TULP3: variants seen among roughly 807,000 people sequenced by gnomAD.
TULP3 encodes tubby-related protein 3.
In TULP3, 38 loss-of-function variants were observed where a neutral mutation model predicts 50.7. That is an observed-to-expected ratio of 0.75 (90% CI 0.58 to 0.98). The LOEUF (loss-of-function observed/expected upper bound fraction) is 0.98, where lower values mean the gene tolerates loss of function less well. TULP3 is among the 50% of genes least tolerant of loss of function. The pLI, the probability that TULP3 is intolerant of heterozygous loss-of-function variation, is 0.00. For missense variants in TULP3, 550 were observed against 568.0 expected (o/e 0.97, Z 0.32); for synonymous variants, 183 against 196.6 (o/e 0.93, Z 0.58).
At chr12:2,909,808 A>G (rs2098184419) in intron 2 of TULP3, among the ~76,000 whole-genome samples, 1 of 152,204 alleles carries the variant, frequency 6.6e-6, no homozygotes, top group African/African-American at 2.4e-5. Flanking sequence ...CTGGCCTTGG[A>G]TTTACAATCA....
At chr12:2,930,703 A>G (rs944050194) in intron 5 of TULP3, among the ~76,000 whole-genome samples, 3 of 152,100 alleles carry the variant, frequency 2.0e-5, no homozygotes, top group Non-Finnish European at 4.4e-5. Flanking sequence ...GATTACAGGC[A>G]TGAGCCACCG....
At chr12:2,929,879 G>A (rs936785397) in intron 4 of TULP3, among the ~76,000 whole-genome samples, 6 of 151,988 alleles carry the variant, frequency 3.9e-5, no homozygotes, top group East Asian at 1.9e-4. Flanking sequence ...ATGAGCCACC[G>A]CGCCCAGCCT....
At chr12:2,894,982 G>A (rs1343227726) in intron 1 of TULP3, among the ~76,000 whole-genome samples, 1 of 152,182 alleles carries the variant, frequency 6.6e-6, no homozygotes, top group African/African-American at 2.4e-5. Flanking sequence ...TGAGAAGGGA[G>A]AATTGGGCAA....
Position 2,938,140 on chromosome 12 carries a change from GCAGAA to G in TULP3, c.1057_1061del (p.Arg353TyrfsTer6). The stretch of plus-strand genomic sequence containing the variant: ...ACCATGACAGTTTGCTCTCAAGGTG[GCAGAA>G]CAGAACTATGGAAAATCTGGTTGAG... On this transcript the variant is annotated frameshift_variant, in exon 10 of 11. Coordinates refer to ENST00000448120, the MANE Select transcript of TULP3 (RefSeq NM_003324.5). LOFTEE classifies it high-confidence loss of function. 1 of 1,614,138 alleles carries G rather than the reference GCAGAA, an allele frequency of 6.2e-7. No individual in the cohort carries two copies. The highest frequency in any genetic ancestry group is 8.5e-7 in the Non-Finnish European group (1 of 1,180,032).
chr12:2,917,165 G>A (rs1274908954), intron 2 of TULP3, among the ~76,000 whole-genome samples: 1 of 152,158 alleles, frequency 6.6e-6, no homozygotes, highest in Non-Finnish European at 1.5e-5. Context: ...CATGTCTACT[G>A]TTCATAATAC....
At chr12:2,907,196 G>C (rs527340935) in intron 1 of TULP3, among the ~76,000 whole-genome samples, 2 of 152,124 alleles carry the variant, frequency 1.3e-5, no homozygotes, top group East Asian at 3.9e-4. Context: ...AAATTGGCCG[G>C]GTACGATGCC....
chr12:2,893,327 G>GGTGT (rs1555110454), intron 1 of TULP3, among the ~76,000 whole-genome samples: 2 of 128,162 alleles, frequency 1.6e-5, no homozygotes, highest in African/African-American at 6.2e-5. Context: ...TGTTTAATGT[G>GGTGT]TTTTTTTTTT....
In TULP3 at chr12:2,939,822, G is replaced by A. The variant is rs1196611706; in HGVS notation, c.*378G>A. On this transcript the variant is annotated 3_prime_UTR_variant, in exon 11 of 11. Coordinates refer to ENST00000448120, the MANE Select transcript of TULP3 (RefSeq NM_003324.5). The surrounding 1 kb of genome is among the most constrained non-coding windows in gnomAD (Gnocchi z 4.0). ...TATATAAAACACACACACACCCCGC[G>A]CACTCTCACTCCTTTTCCAGGTTTC... 8.4e-7 allele frequency: 1 copy of A among 1,187,988 alleles called. No individual in the cohort carries two copies. Among genetic ancestry groups the A allele is most frequent in the South Asian group, 1.6e-5 (1 of 63,250 alleles). 73.6% of individuals were successfully genotyped at this position (1,187,988 alleles called of 1,614,324 possible).
At position 2,909,532 on chromosome 12, in the gene TULP3, C is replaced by A; in HGVS notation, c.45C>A (p.Val15=). The change falls in exon 2 of 11, where the codon GTC becomes GTA. Residue 15 remains valine (V), a synonymous_variant. Coordinates refer to ENST00000448120, the MANE Select transcript of TULP3 (RefSeq NM_003324.5). Reference sequence around the variant, plus strand: ...TTATTTTTTTTTTTTTTAACAGTGTCTTCCATGAAGAAATGATGAAGATGC... The same window carrying A: ...TTATTTTTTTTTTTTTTAACAGTGTATTCCATGAAGAAATGATGAAGATGC... The part of the protein sequence containing the change: ...RCRLSPSGDS[V]FHEEMMKMRQ... 1 of 1,566,940 alleles carries A rather than the reference C, an allele frequency of 6.4e-7. No homozygotes were observed. The highest frequency in any genetic ancestry group is 2.2e-5 in the Admixed American group (1 of 46,100).
At chr12:2,938,065 C>T (rs771006100) in intron 9 of TULP3, 49 bp from the exon 10 acceptor site, 2 of 1,592,206 alleles carry the variant, frequency 1.3e-6, no homozygotes, top group African/African-American at 1.3e-5. Context: ...CCTTCTACCT[C>T]GTAGAGTTGG....
chr12:2,921,030 C>A, intron 3 of TULP3, 108 bp downstream of exon 3: 1 of 1,268,784 alleles, frequency 7.9e-7, no homozygotes, highest in Non-Finnish European at 1.1e-6. Flanking sequence ...AGCACCATTA[C>A]TAGGTACCTT....
In TULP3 at chr12:2,894,538, A is replaced by AACACACACACAC. The variant is rs56834874; in HGVS notation, c.41+3567_41+3578dup. Among the ~76,000 whole-genome samples, 425 of 147,820 alleles carry AACACACACACAC rather than the reference A, an allele frequency of 2.9e-3. 2 individuals are homozygous for AACACACACACAC. Among genetic ancestry groups the AACACACACACAC allele is most frequent in the African/African-American group, 0.01 (407 of 40,022 alleles). ...TGACAGAGCAAGACTCCGTCTCAAAAACACACACACACACACACACACACA... is the reference window on the plus strand; with the variant it reads ...TGACAGAGCAAGACTCCGTCTCAAAAACACACACACACACACACACACACACACACACACACA... On this transcript the variant is annotated intron_variant, in intron 1 of 10. Coordinates refer to ENST00000448120, the MANE Select transcript of TULP3 (RefSeq NM_003324.5).
chr12:2,924,231 G>A (rs2098193441), intron 4 of TULP3, among the ~76,000 whole-genome samples: 2 of 152,120 alleles, frequency 1.3e-5, no homozygotes. Flanking sequence ...GCCTGACTCA[G>A]GAAGAGGTGC....
chr12:2,897,818 C>A (rs1039936920), intron 1 of TULP3, among the ~76,000 whole-genome samples: 1 of 150,910 alleles, frequency 6.6e-6, no homozygotes, highest in African/African-American at 2.4e-5. Context: ...GTGGCTCATG[C>A]CTGTAATCCC....
At chr12:2,900,177 C>T (rs368668646) in intron 1 of TULP3, among the ~76,000 whole-genome samples, 3 of 152,182 alleles carry the variant, frequency 2.0e-5, no homozygotes, top group South Asian at 4.1e-4. Context: ...GAGCCGAGAT[C>T]GCGCCACTGT....
intron 10 of TULP3, 64 bp downstream of exon 10, chr12:2,938,349 AC>A: frequency 6.7e-7 from 1 of 1,495,728 alleles, no homozygotes; most frequent in South Asian, 1.2e-5. Context: ...ATGGGAATGC[AC>A]ATTCCCTGTA....
intron 2 of TULP3, among the ~76,000 whole-genome samples, chr12:2,915,064 C>T (rs1402698558): frequency 2.6e-5 from 4 of 152,110 alleles, no homozygotes; most frequent in Non-Finnish European, 5.9e-5. Flanking sequence ...TCTTGGCTCA[C>T]TGCAACCTCT....
chr12:2,926,566 C>G (rs577092147), intron 4 of TULP3, among the ~76,000 whole-genome samples: 2 of 152,296 alleles, frequency 1.3e-5, no homozygotes, highest in East Asian at 1.9e-4. Flanking sequence ...AGTAACAACT[C>G]TTTTGAGATA....
At chr12:2,929,469 C>T (rs990968367) in intron 4 of TULP3, among the ~76,000 whole-genome samples, 3 of 152,198 alleles carry the variant, frequency 2.0e-5, no homozygotes, top group African/African-American at 7.2e-5. Context: ...TCGTGACCAG[C>T]TAATTTTTTT....
Sources: allele counts gnomAD v4.1 joint callset (sites outside exome capture counted in the v4.1 genomes callset), GRCh38; gene constraint gnomAD v4.1.1; non-coding constraint Gnocchi (gnomAD v3.1); transcripts MANE v1.5; gene names NCBI Gene and HGNC (gene_info 2026-07-23, HGNC 2026-07-21).